The following ARMH1 variants were observed in gnomAD, a reference collection of about 807,000 sequenced individuals.
ARMH1 encodes armadillo like helical domain containing 1, also known as armadillo-like helical domain containing protein 1.
ARMH1 carries 34 observed loss-of-function variants against 50.2 expected under a neutral mutation model. That is an observed-to-expected ratio of 0.68 (90% CI 0.51 to 0.90). The LOEUF (loss-of-function observed/expected upper bound fraction) is 0.90. ARMH1 is among the 40% of genes least tolerant of loss of function. ARMH1 has a pLI of 0.00. For synonymous variants in ARMH1, 221 were observed against 224.2 expected, an observed-to-expected ratio of 0.99 and a Z score of 0.13; for missense variants, 538 against 553.9, an observed-to-expected ratio of 0.97 and a Z score of 0.29.
Position 44,700,906 on chromosome 1 carries a change from C to G in ARMH1, c.443-17C>G, listed in dbSNP as rs931731807. ...TAAATCCCTTCCAATTTAGCATTTC[C>G]TCTCTTCTTTGCTCAGGTGTACGAT... On this transcript the variant is annotated splice_polypyrimidine_tract_variant and intron_variant, in intron 4 of 11. Coordinates refer to ENST00000535358, the MANE Select transcript of ARMH1 (RefSeq NM_001145636.2). 1 of 1,524,572 alleles carries G rather than the reference C, an allele frequency of 6.6e-7. No homozygotes were observed. 94.4% of individuals were successfully genotyped at this position (1,524,572 alleles called of 1,614,324 possible).
chr1:44,693,767 T>G (rs1369698162), intron 2 of ARMH1, among the ~76,000 whole-genome samples: 1 of 152,178 alleles, frequency 6.6e-6, no homozygotes, highest in Non-Finnish European at 1.5e-5. Flanking sequence ...ATCATGGACT[T>G]TTTATATTAA....
intron 4 of ARMH1, among the ~76,000 whole-genome samples, chr1:44,699,955 C>T (rs1645989793): frequency 6.6e-6 from 1 of 151,758 alleles, no homozygotes; most frequent in Non-Finnish European, 1.5e-5. Context: ...TCAGCCTCCC[C>T]AGTAACTGGG....
Position 44,681,891 on chromosome 1 carries a change from C to T in ARMH1, c.-23+7018C>T, listed in dbSNP as rs377630936. On this transcript the variant is annotated intron_variant, in intron 1 of 11. Coordinates refer to ENST00000535358, the MANE Select transcript of ARMH1 (RefSeq NM_001145636.2). The surrounding 1 kb of genome is among the most constrained non-coding windows in gnomAD (Gnocchi z 4.3). The stretch of plus-strand genomic sequence containing the variant: ...AAGCTGTGTTGGTTGGAGGTGAAAG[C>T]GGGAGGTCGCTGGAGTCTGCATTCC... 2.6e-5 allele frequency among the ~76,000 whole-genome samples: 4 copies of T among 151,912 alleles called. No individual in the cohort carries two copies. In the South Asian group the frequency reaches 6.3e-4, roughly 24 times the overall value.
intron 2 of ARMH1, among the ~76,000 whole-genome samples, chr1:44,695,468 C>G (rs756087875): frequency 1.3e-5 from 2 of 152,086 alleles, no homozygotes; most frequent in African/African-American, 2.4e-5. Flanking sequence ...AAATAATAGA[C>G]CAGAAATATG....
chr1:44,688,196 G>A (rs1374517564), intron 1 of ARMH1: 1 of 152,300 alleles, frequency 6.6e-6, no homozygotes, highest in Non-Finnish European at 1.5e-5. Flanking sequence ...TTGTGTTCAG[G>A]TTGGTCCGCA....
intron 2 of ARMH1, among the ~76,000 whole-genome samples, chr1:44,694,513 T>C (rs900182715): frequency 2.7e-5 from 4 of 145,606 alleles, no homozygotes; most frequent in Non-Finnish European, 6.0e-5. Context: ...TTTTTTCTTT[T>C]TTTTTTTTTT....
intron 2 of ARMH1, among the ~76,000 whole-genome samples, chr1:44,694,710 A>G (rs1285546561): frequency 1.3e-5 from 2 of 151,858 alleles, no homozygotes; most frequent in African/African-American, 2.4e-5. Flanking sequence ...GGGTTTCACC[A>G]TGTTGTCCAG....
rs1017523896 is a variant in ARMH1 at position 44,681,531 on chromosome 1, C to A, written c.-23+6658C>A. On this transcript the variant is annotated intron_variant, in intron 1 of 11. Coordinates refer to ENST00000535358, the MANE Select transcript of ARMH1 (RefSeq NM_001145636.2). This position sits in a 1 kb window ranked among gnomAD's most constrained non-coding sequence, Gnocchi z 4.3. ...AAAGATAGGTAAAAATCAAGGCTAA[C>A]AAGAAAAATGCCTAAATAGAGGGGT... Among the ~76,000 whole-genome samples, 2 of 151,816 alleles carry A rather than the reference C, an allele frequency of 1.3e-5. No individual in the cohort carries two copies. The highest frequency in any genetic ancestry group is 2.9e-5 in the Non-Finnish European group (2 of 67,994).
At chr1:44,715,190 C>T (rs115853437) in intron 6 of ARMH1, among the ~76,000 whole-genome samples, 282 of 152,268 alleles carry the variant, frequency 1.9e-3, no homozygotes, top group Middle Eastern at 3.4e-3. Context: ...GAGAAAGACC[C>T]GGAACCCTGG....
Position 44,698,872 on chromosome 1 carries a change from A to G in ARMH1, c.442+643A>G, listed in dbSNP as rs185812427. 1.1e-4 allele frequency among the ~76,000 whole-genome samples: 17 copies of G among 147,960 alleles called. No homozygotes were observed. In the South Asian group the frequency reaches 2.4e-3, roughly 21 times the overall value. On this transcript the variant is annotated intron_variant, in intron 4 of 11. Coordinates refer to ENST00000535358, the MANE Select transcript of ARMH1 (RefSeq NM_001145636.2). ...CTCAAGAAATAAAATTGAAGGCCAG[A>G]CGCAGTGGTTCACACCTGTAATCCC...
intron 6 of ARMH1, among the ~76,000 whole-genome samples, chr1:44,705,638 CAG>C (rs956263440): frequency 4.6e-5 from 7 of 152,080 alleles, no homozygotes; most frequent in African/African-American, 1.2e-4. Context: ...CAATAAAGCA[CAG>C]AGAGATTAAG....
rs1382943827 is a variant in ARMH1 at position 44,698,232 on chromosome 1, G to T, written c.442+3G>T. 2 of 1,550,998 alleles carry T rather than the reference G, an allele frequency of 1.3e-6. No individual in the cohort carries two copies. Among genetic ancestry groups the T allele is most frequent in the Non-Finnish European group, 1.7e-6 (2 of 1,146,256 alleles). ...GGAACTCATTTGTGAAAGCTATGGTGGGTACTGTGTGTGACAAGATGTGTC... is the reference window on the plus strand; with the variant it reads ...GGAACTCATTTGTGAAAGCTATGGTTGGTACTGTGTGTGACAAGATGTGTC... On this transcript the variant is annotated splice_donor_region_variant and intron_variant, in intron 4 of 11. Transcript: ENST00000535358.
In ARMH1 at chr1:44,674,773, G is replaced by T. The variant is rs1273929955; in HGVS notation, c.-123G>T. ...TGGGAATGGGCAGGGTCACTCGTCCGAACAGAGTCCTATCCTACGCGGCGG... is the reference window on the plus strand; with the variant it reads ...TGGGAATGGGCAGGGTCACTCGTCCTAACAGAGTCCTATCCTACGCGGCGG... On this transcript the variant is annotated 5_prime_UTR_variant, in exon 1 of 12. Transcript: ENST00000535358. 9.4e-6 allele frequency: 2 copies of T among 211,656 alleles called. No homozygotes were observed. The highest frequency in any genetic ancestry group is 1.9e-5 in the Non-Finnish European group (2 of 104,656). 13.1% of individuals were successfully genotyped at this position (211,656 alleles called of 1,614,324 possible). A position where few individuals can be genotyped will look rare whatever the true frequency, so the allele number is the denominator to read the frequency against.
At position 44,697,178 on chromosome 1, in the gene ARMH1, C is replaced by A; in HGVS notation, c.275+8C>A. On this transcript the variant is annotated splice_region_variant and intron_variant, in intron 3 of 11. Coordinates refer to ENST00000535358, the MANE Select transcript of ARMH1 (RefSeq NM_001145636.2). ...CTTATCAGCTGTAAGCAGGTGAGTT[C>A]TGTTCTAGCGTGATTCTGGGGGTCT... 1 of 1,550,198 alleles carries A rather than the reference C, an allele frequency of 6.5e-7. No individual in the cohort carries two copies. Among genetic ancestry groups the A allele is most frequent in the East Asian group, 2.4e-5 (1 of 40,896 alleles).
In ARMH1 at chr1:44,682,356, G is replaced by A. The variant is rs908698645; in HGVS notation, c.-22-7320G>A. 2.0e-5 allele frequency among the ~76,000 whole-genome samples: 3 copies of A among 152,172 alleles called. 1 individual carries two copies. Among genetic ancestry groups the A allele is most frequent in the Admixed American group, 2.0e-4 (3 of 15,276 alleles). On this transcript the variant is annotated intron_variant, in intron 1 of 11. Coordinates refer to ENST00000535358, the MANE Select transcript of ARMH1 (RefSeq NM_001145636.2). The surrounding 1 kb of genome is among the most constrained non-coding windows in gnomAD (Gnocchi z 4.5). ...GCAAGGTAGAGAGGGAAAGACAGAT[G>A]GCCTGACCTCAGAGGAGGAGGAAGG...
chr1:44,675,306 T>C (rs1645098073), intron 1 of ARMH1, among the ~76,000 whole-genome samples: 1 of 152,056 alleles, frequency 6.6e-6, no homozygotes, highest in African/African-American at 2.4e-5. Flanking sequence ...GGGGCATTTA[T>C]GGCAGTGGGG....
Position 44,702,741 on chromosome 1 carries a change from A to C in ARMH1, c.640-1348A>C, listed in dbSNP as rs183099865. ...AAAAAAAAAAAAAGAAAAGAAAAGA[A>C]AAAGAAAGAGGGCAATGACAGTGAT... On this transcript the variant is annotated intron_variant, in intron 5 of 11. Coordinates refer to ENST00000535358, the MANE Select transcript of ARMH1 (RefSeq NM_001145636.2). 2.0e-5 allele frequency among the ~76,000 whole-genome samples: 3 copies of C among 152,024 alleles called. No homozygotes were observed. The East Asian group carries it at 5.8e-4, about 29-fold the overall frequency.
intron 6 of ARMH1, among the ~76,000 whole-genome samples, chr1:44,707,110 C>G (rs1646378997): frequency 6.6e-6 from 1 of 151,844 alleles, no homozygotes; most frequent in African/African-American, 2.4e-5. Flanking sequence ...TTTAACCCCC[C>G]TCCATCAGAG....
intron 6 of ARMH1, 66 bp downstream of exon 6, chr1:44,704,239 C>G: frequency 8.3e-7 from 1 of 1,207,840 alleles, no homozygotes; most frequent in South Asian, 1.3e-5. Flanking sequence ...CAAAAGCTTT[C>G]TCTTAGTCAC....
Sources: allele counts gnomAD v4.1 joint callset (sites outside exome capture counted in the v4.1 genomes callset), GRCh38; gene constraint gnomAD v4.1.1; non-coding constraint Gnocchi (gnomAD v3.1); transcripts MANE v1.5; gene names NCBI Gene and HGNC (gene_info 2026-07-23, HGNC 2026-07-21).